The following ROBO2 variants were observed in gnomAD, a reference collection of about 807,000 sequenced individuals.
The protein encoded by ROBO2 is roundabout guidance receptor 2.
In ROBO2, 53 loss-of-function variants were observed where a neutral mutation model predicts 160.8. The observed-to-expected ratio is 0.33, with a 90% CI of 0.26 to 0.41. ROBO2 has a LOEUF of 0.41. Ranked by LOEUF, ROBO2 falls within the 10% of genes least tolerant of loss-of-function variation. The pLI, the probability that ROBO2 is intolerant of heterozygous loss-of-function variation, is 1.00. For missense variants in ROBO2, 1,577 were observed against 1,722.4 expected (o/e 0.92, Z 1.49); for synonymous variants, 664 against 611.7 (o/e 1.09, Z -1.26).
chr3:77,257,448 A>G (rs1053368344), intron 2 of ROBO2, among the ~76,000 whole-genome samples: 4 of 152,240 alleles, frequency 2.6e-5, no homozygotes, highest in Non-Finnish European at 4.4e-5. Context: ...TCAAATGCAG[A>G]GACCATGAAA....
At chr3:76,951,603 AT>A (rs1050715921) in intron 2 of ROBO2, among the ~76,000 whole-genome samples, 38 of 151,952 alleles carry the variant, frequency 2.5e-4, no homozygotes, top group African/African-American at 8.2e-4. Flanking sequence ...TTAAAGTGTT[AT>A]TTTTTTTAAT....
At chr3:77,608,041 A>G in intron 21 of ROBO2, 87 bp downstream of exon 22, 1 of 1,334,486 alleles carries the variant, frequency 7.5e-7, no homozygotes. Context: ...ATGTTCTCTC[A>G]CTGTTTCCTT....
At chr3:76,846,225 C>A (rs1025598401) in intron 2 of ROBO2, among the ~76,000 whole-genome samples, 5 of 152,086 alleles carry the variant, frequency 3.3e-5, no homozygotes, top group African/African-American at 1.2e-4. Flanking sequence ...GATATATATT[C>A]CTTGTTAGTA....
At chr3:77,192,131 T>C (rs1025108607) in intron 2 of ROBO2, among the ~76,000 whole-genome samples, 27 of 152,178 alleles carry the variant, frequency 1.8e-4, no homozygotes, top group Non-Finnish European at 5.9e-5. Context: ...ACAAGGTATG[T>C]CATTTTATTT....
intron 2 of ROBO2, among the ~76,000 whole-genome samples, chr3:77,219,660 A>T (rs1041397008): frequency 1.3e-5 from 2 of 151,312 alleles, no homozygotes; most frequent in Non-Finnish European, 2.9e-5. Flanking sequence ...TCCTGTTAGC[A>T]TCAGTTTGCT....
At chr3:77,079,102 A>G (rs1239250529) in intron 1 of ROBO2, among the ~76,000 whole-genome samples, 1 of 151,978 alleles carries the variant, frequency 6.6e-6, no homozygotes, top group Non-Finnish European at 1.5e-5. Flanking sequence ...GCACACCACC[A>G]TGCCTGGCTA....
At chr3:75,940,819 C>T (rs796130616) in intron 2 of ROBO2, among the ~76,000 whole-genome samples, 16 of 152,034 alleles carry the variant, frequency 1.1e-4, no homozygotes, top group Admixed American at 1.3e-4. Flanking sequence ...AATGGCACAG[C>T]GGGCAAAACC....
At chr3:76,787,666 A>G (rs985466512) in intron 2 of ROBO2, among the ~76,000 whole-genome samples, 1 of 151,462 alleles carries the variant, frequency 6.6e-6, no homozygotes, top group Non-Finnish European at 1.5e-5. Context: ...CTCTCTTGGA[A>G]GTGACAAAGT....
intron 2 of ROBO2, among the ~76,000 whole-genome samples, chr3:76,319,394 T>A (rs2072321272): frequency 1.3e-5 from 2 of 152,102 alleles, no homozygotes; most frequent in South Asian, 2.1e-4. Flanking sequence ...CTATTCTATA[T>A]ATGGATTCTA....
At chr3:77,066,347 T>C (rs1009321849) in intron 1 of ROBO2, among the ~76,000 whole-genome samples, 6 of 152,216 alleles carry the variant, frequency 3.9e-5, no homozygotes, top group Non-Finnish European at 8.8e-5. Flanking sequence ...TGCATAATTA[T>C]ATTAGATGTC....
intron 2 of ROBO2, among the ~76,000 whole-genome samples, chr3:76,446,994 G>A (rs899336964): frequency 4.6e-5 from 7 of 152,184 alleles, no homozygotes; most frequent in African/African-American, 1.7e-4. Context: ...AGGACTTCAT[G>A]TCTAAAACAC....
intron 2 of ROBO2, among the ~76,000 whole-genome samples, chr3:76,135,401 C>G (rs1030035260): frequency 6.6e-6 from 1 of 152,096 alleles, no homozygotes; most frequent in Non-Finnish European, 1.5e-5. Flanking sequence ...CTTTACCACT[C>G]TCTTTAATGG....
At chr3:77,082,404 G>A (rs2068759318) in intron 1 of ROBO2, among the ~76,000 whole-genome samples, 1 of 152,054 alleles carries the variant, frequency 6.6e-6, no homozygotes, top group Admixed American at 6.6e-5. Context: ...CAAAGTCATG[G>A]ATTATGCTCT....
At chr3:76,792,075 T>C (rs529711128) in intron 2 of ROBO2, among the ~76,000 whole-genome samples, 1 of 152,000 alleles carries the variant, frequency 6.6e-6, no homozygotes, top group African/African-American at 2.4e-5. Flanking sequence ...CAATGTTGAT[T>C]TATTTAAAGA....
intron 2 of ROBO2, among the ~76,000 whole-genome samples, chr3:75,994,974 A>G (rs567680670): frequency 2.0e-5 from 3 of 152,348 alleles, no homozygotes; most frequent in East Asian, 1.9e-4. Context: ...CTAGAGATCT[A>G]TGGAACTTTG....
At position 76,259,221 on chromosome 3, in the gene ROBO2, C is replaced by T. The variant is rs1559692852; in HGVS notation, c.109+321619C>T. Among the ~76,000 whole-genome samples, 8 of 152,134 alleles carry T rather than the reference C, an allele frequency of 5.3e-5. No individual in the cohort carries two copies. In the South Asian group the frequency reaches 1.5e-3, roughly 28 times the overall value. Reference sequence around the variant, plus strand: ...AAAAATAGGAGAGAAAGTATGACATCAGATCCAACTAAAAGAACTTGGGAT... The same window carrying T: ...AAAAATAGGAGAGAAAGTATGACATTAGATCCAACTAAAAGAACTTGGGAT... On this transcript the variant is annotated intron_variant, in intron 2 of 26. Coordinates refer to the ROBO2 transcript ENST00000487694.
chr3:76,439,164 A>C (rs541287677), intron 2 of ROBO2, among the ~76,000 whole-genome samples: 2 of 152,186 alleles, frequency 1.3e-5, no homozygotes, highest in Non-Finnish European at 2.9e-5. Context: ...TATGTATTCA[A>C]TGCCAACTGC....
At chr3:76,201,896 A>G (rs1404103766) in intron 2 of ROBO2, among the ~76,000 whole-genome samples, 1 of 151,274 alleles carries the variant, frequency 6.6e-6, no homozygotes, top group Non-Finnish European at 1.5e-5. Context: ...TGTCAAAAAA[A>G]AAAAAAAAAA....
intron 2 of ROBO2, among the ~76,000 whole-genome samples, chr3:76,517,026 C>A (rs1234574904): frequency 6.6e-6 from 1 of 152,096 alleles, no homozygotes; most frequent in Non-Finnish European, 1.5e-5. Flanking sequence ...ATGTGTTTAA[C>A]TTTTATCTAG....
Sources: allele counts gnomAD v4.1 joint callset (sites outside exome capture counted in the v4.1 genomes callset), GRCh38; gene constraint gnomAD v4.1.1; transcripts MANE v1.5; gene names NCBI Gene and HGNC (gene_info 2026-07-23, HGNC 2026-07-21).